FBLIM1: variants seen among roughly 807,000 people sequenced by gnomAD.
The protein encoded by FBLIM1 is filamin-binding LIM protein 1.
A neutral mutation model predicts 37.4 loss-of-function variants in FBLIM1; 29 were observed. The observed-to-expected ratio is 0.77, with a 90% confidence interval of 0.58 to 1.06. The LOEUF is 1.06. FBLIM1 is among the 50% of genes least tolerant of loss of function. The probability of loss-of-function intolerance (pLI) is 0.00; values close to 1 mark genes in which losing one functional copy is unlikely to be tolerated. For missense variants in FBLIM1, 449 were observed against 505.6 expected, an observed-to-expected ratio of 0.89 and a Z score of 1.07; for synonymous variants, 193 against 199.0, an observed-to-expected ratio of 0.97 and a Z score of 0.25.
At position 15,770,428 on chromosome 1, in the gene FBLIM1, C is replaced by T. The variant is rs773544165; in HGVS notation, c.561C>T (p.His187=). 6.2e-7 allele frequency: 1 copy of T among 1,613,334 alleles called. No individual in the cohort carries two copies. The highest frequency in any genetic ancestry group is 8.5e-7 in the Non-Finnish European group (1 of 1,179,876). The change falls in exon 6 of 9, where the codon CAC becomes CAT. Residue 187 remains histidine, a synonymous_variant. Transcript: ENST00000375766. ...CCCCAGACATCTGTGCCTTCTGCCA[C>T]AAGACCGTGTCCCCCCGAGAGCTGG... ...GASTDICAFC[H]KTVSPRELAV...
chr1:15,774,929 C>T (rs1368163730), intron 7 of FBLIM1, 133 bp downstream of exon 7: 2 of 1,558,608 alleles, frequency 1.3e-6, no homozygotes, highest in Admixed American at 3.9e-5. Flanking sequence ...AAGAATATTA[C>T]AGGGCTGGGC....
chr1:15,783,463 T>C (rs1400433611), intron 8 of FBLIM1, among the ~76,000 whole-genome samples: 1 of 151,460 alleles, frequency 6.6e-6, no homozygotes, highest in Non-Finnish European at 1.5e-5. Context: ...ACCTGTGAAA[T>C]GAAGGGACTG....
At chr1:15,776,556 G>T (rs924761687) in intron 7 of FBLIM1, among the ~76,000 whole-genome samples, 2 of 151,842 alleles carry the variant, frequency 1.3e-5, no homozygotes, top group African/African-American at 4.8e-5. Flanking sequence ...AGAGACAGAT[G>T]TGCCTCTTAA....
chr1:15,768,443 G>T (rs2069033018), intron 4 of FBLIM1, 85 bp from the exon 5 acceptor site: 4 of 911,920 alleles, frequency 4.4e-6, no homozygotes, highest in Non-Finnish European at 6.4e-6. Context: ...GCGGCTAATT[G>T]TACCTGTTAC....
Position 15,774,734 on chromosome 1 carries a change from TG to T in FBLIM1, c.832del (p.Asp278MetfsTer77). On this transcript the variant is annotated frameshift_variant, in exon 7 of 9. Coordinates refer to ENST00000375766, the MANE Select transcript of FBLIM1 (RefSeq NM_017556.4). LOFTEE classifies it high-confidence loss of function. ...FTCVTCARCI[G>X]DESFALGSQN... ...CGTGTGTGACCTGCGCCCGGTGCATTGGGGATGAGAGCTTTGCCCTGGGCAG... is the reference window on the plus strand; with the variant it reads ...CGTGTGTGACCTGCGCCCGGTGCATTGGGATGAGAGCTTTGCCCTGGGCAG... The T allele has an allele frequency of 6.2e-7, 1 of 1,613,946 alleles. No individual in the cohort carries two copies. The highest frequency in any genetic ancestry group is 8.5e-7 in the Non-Finnish European group (1 of 1,179,954).
At chr1:15,763,073 CTTTTTTTT>C (rs71572174) in intron 1 of FBLIM1, among the ~76,000 whole-genome samples, 1,970 of 143,472 alleles carry the variant, frequency 0.014, 41 homozygotes, top group African/African-American at 0.041. Context: ...TACTTTTTTT[CTTTTTTTT>C]TTTTTAGACA....
chr1:15,763,168 C>A (rs371069087), intron 1 of FBLIM1, among the ~76,000 whole-genome samples: 4 of 151,838 alleles, frequency 2.6e-5, no homozygotes, highest in African/African-American at 7.2e-5. Context: ...CCCACGGGTT[C>A]AAGTGATTCT....
intron 6 of FBLIM1, among the ~76,000 whole-genome samples, chr1:15,771,852 G>A (rs980100362): frequency 2.6e-5 from 4 of 151,566 alleles, no homozygotes; most frequent in African/African-American, 9.7e-5. Context: ...CAAGGAGCTG[G>A]GATTCTACTC....
chr1:15,780,398 C>T (rs1162894430), intron 8 of FBLIM1, among the ~76,000 whole-genome samples: 1 of 151,868 alleles, frequency 6.6e-6, no homozygotes, highest in African/African-American at 2.4e-5. Context: ...TGGGGTTTCG[C>T]CATGTTGGCC....
At position 15,780,455 on chromosome 1, in the gene FBLIM1, C is replaced by G. The variant is rs951300158; in HGVS notation, c.1008+3168C>G. ...TCTCAAGTGATCTGCCCGCCTTGGC[C>G]TCCCAAAGTGCTGGGTGGCGTGAGC... On this transcript the variant is annotated intron_variant, in intron 8 of 8. Transcript: ENST00000375766. Among the ~76,000 whole-genome samples the G allele has an allele frequency of 2.0e-5, 3 of 152,228 alleles. No homozygotes were observed. The South Asian group carries it at 6.2e-4, about 31-fold the overall frequency.
At chr1:15,772,453 C>T (rs2069264594) in intron 6 of FBLIM1, among the ~76,000 whole-genome samples, 1 of 152,056 alleles carries the variant, frequency 6.6e-6, no homozygotes, top group Non-Finnish European at 1.5e-5. Context: ...AAGGGCCATG[C>T]CCATGAGAGG....
chr1:15,759,328 G>A (rs896106801), intron 1 of FBLIM1, among the ~76,000 whole-genome samples: 5 of 152,206 alleles, frequency 3.3e-5, no homozygotes, highest in African/African-American at 9.6e-5. Context: ...GGAGGGACGG[G>A]TCCCGGGGCT....
chr1:15,776,616 G>A (rs2069496270), intron 7 of FBLIM1, among the ~76,000 whole-genome samples: 2 of 152,162 alleles, frequency 1.3e-5, no homozygotes, highest in Admixed American at 1.3e-4. Context: ...TGTAATCCCA[G>A]CACTTTGGGA....
rs2069763143 is a variant in FBLIM1 at position 15,786,187 on chromosome 1, A to G, written c.*1526A>G. 2.0e-5 allele frequency: 3 copies of G among 152,230 alleles called. No homozygotes were observed. In the South Asian group the frequency reaches 6.2e-4, roughly 32 times the overall value. 9.4% of individuals were successfully genotyped at this position (152,230 alleles called of 1,614,324 possible). ...TTCTTCCCTTTGAAGGAGAATCATC[A>G]TTGTTGCTTTATCACTTCTAAGACA... On this transcript the variant is annotated 3_prime_UTR_variant, in exon 9 of 9. Coordinates refer to ENST00000375766, the MANE Select transcript of FBLIM1 (RefSeq NM_017556.4).
chr1:15,759,795 G>T (rs924907157), intron 1 of FBLIM1, among the ~76,000 whole-genome samples: 2 of 152,202 alleles, frequency 1.3e-5, no homozygotes, highest in Admixed American at 6.5e-5. Flanking sequence ...TACCTCCTCT[G>T]TTTCCCTGGG....
chr1:15,771,253 T>C (rs1478479085), intron 6 of FBLIM1, among the ~76,000 whole-genome samples: 2 of 150,364 alleles, frequency 1.3e-5, no homozygotes, highest in Non-Finnish European at 3.0e-5. Flanking sequence ...TTTTTTGTTT[T>C]TTTTTTTTTT....
chr1:15,761,809 A>G (rs2068683529), intron 1 of FBLIM1, among the ~76,000 whole-genome samples: 1 of 152,188 alleles, frequency 6.6e-6, no homozygotes, highest in Non-Finnish European at 1.5e-5. Context: ...ATTATCATCC[A>G]TCAGTCGCTG....
chr1:15,783,392 G>T (rs2069692085), intron 8 of FBLIM1, among the ~76,000 whole-genome samples: 1 of 151,998 alleles, frequency 6.6e-6, no homozygotes, highest in South Asian at 2.1e-4. Flanking sequence ...TCTGGTCCCA[G>T]CTCCAGAACC....
At position 15,766,259 on chromosome 1, in the gene FBLIM1, C is replaced by A. The variant is rs137879631; in HGVS notation, c.250+1026C>A. Among the ~76,000 whole-genome samples the A allele has an allele frequency of 2.0e-3, 308 of 151,850 alleles. 1 individual carries two copies. The highest frequency in any genetic ancestry group is 6.8e-3 in the Middle Eastern group (2 of 292). ...AGGAGCTGGGACCACAAGCTCTCAC[C>A]ACCAGGCCCAGCTAATTTGTGTGTG... On this transcript the variant is annotated intron_variant, in intron 3 of 8. Coordinates refer to ENST00000375766, the MANE Select transcript of FBLIM1 (RefSeq NM_017556.4).
Sources: gnomAD v4.1 joint callset for allele counts (sites outside exome capture counted in the v4.1 genomes callset) on GRCh38, gnomAD v4.1.1 for gene constraint, MANE v1.5 for transcripts, NCBI Gene and HGNC (gene_info 2026-07-23, HGNC 2026-07-21) for gene names.